The following LUZP2 variants were observed in gnomAD, a reference collection of about 807,000 sequenced individuals.
LUZP2 encodes leucine zipper protein 2.
LUZP2 carries 52 observed loss-of-function variants against 51.6 expected under a neutral mutation model. That is an observed-to-expected ratio of 1.01 (90% CI 0.81 to 1.27). The LOEUF (loss-of-function observed/expected upper bound fraction) is 1.27, where lower values mean the gene tolerates loss of function less well. LUZP2 is among the 50% of genes most tolerant of loss of function. The probability of loss-of-function intolerance (pLI) is 0.00; values close to 1 mark genes in which losing one functional copy is unlikely to be tolerated. For synonymous variants in LUZP2, 154 were observed against 137.3 expected (o/e 1.12, Z -0.85); for missense variants, 436 against 395.4 (o/e 1.10, Z -0.87).
intron 5 of LUZP2, among the ~76,000 whole-genome samples, chr11:24,865,726 ATG>A (rs869305716): frequency 0.27 from 25,854 of 96,224 alleles, 2,323 homozygotes; most frequent in South Asian, 0.38. Flanking sequence ...ATATATATAT[ATG>A]TGTGTGTGTG....
intron 9 of LUZP2, among the ~76,000 whole-genome samples, chr11:25,032,176 A>G (rs1312051180): frequency 6.6e-6 from 1 of 152,136 alleles, no homozygotes; most frequent in African/African-American, 2.4e-5. Context: ...AGAAACACAC[A>G]TAGTTTCTGG....
At chr11:25,048,041 C>T (rs377306404) in intron 9 of LUZP2, among the ~76,000 whole-genome samples, 1 of 152,096 alleles carries the variant, frequency 6.6e-6, no homozygotes, top group African/African-American at 2.4e-5. Context: ...GCACTCCTGA[C>T]CTCAAGAGAT....
chr11:24,720,911 A>G (rs1213196671), intron 1 of LUZP2, among the ~76,000 whole-genome samples: 2 of 151,556 alleles, frequency 1.3e-5, no homozygotes, highest in East Asian at 3.9e-4. Flanking sequence ...GTGGTCTCGA[A>G]CTCCTGACCT....
chr11:24,857,812 T>A (rs1433114568), intron 5 of LUZP2, among the ~76,000 whole-genome samples: 1 of 152,148 alleles, frequency 6.6e-6, no homozygotes, highest in Middle Eastern at 3.4e-3. Flanking sequence ...AAGTATGACA[T>A]TTTTTAAGCT....
intron 1 of LUZP2, among the ~76,000 whole-genome samples, chr11:24,728,321 C>T (rs1206423969): frequency 6.6e-6 from 1 of 151,734 alleles, no homozygotes; most frequent in African/African-American, 2.4e-5. Context: ...CACAAACACA[C>T]ACACACACAG....
Position 24,974,975 on chromosome 11 carries a change from C to T in LUZP2, c.523-1616C>T, listed in dbSNP as rs577330535. On this transcript the variant is annotated intron_variant, in intron 7 of 11. Coordinates refer to ENST00000336930, the MANE Select transcript of LUZP2 (RefSeq NM_001009909.4). ...GTTGCCTGGGGGTCAGTGATCTTGGCTGGGCTGAAGTATGACTCTAGAGAT... is the reference window on the plus strand; with the variant it reads ...GTTGCCTGGGGGTCAGTGATCTTGGTTGGGCTGAAGTATGACTCTAGAGAT... 8.2e-4 allele frequency among the ~76,000 whole-genome samples: 124 copies of T among 152,094 alleles called. 3 individuals are homozygous for T. The South Asian group carries it at 0.025, about 31-fold the overall frequency.
intron 1 of LUZP2, among the ~76,000 whole-genome samples, chr11:24,572,671 C>T (rs969412185): frequency 6.6e-6 from 1 of 152,006 alleles, no homozygotes; most frequent in Non-Finnish European, 1.5e-5. Flanking sequence ...GACTGTGAGA[C>T]AGCTTGATGT....
At chr11:24,855,997 A>C (rs371063474) in intron 5 of LUZP2, among the ~76,000 whole-genome samples, 41 of 152,298 alleles carry the variant, frequency 2.7e-4, no homozygotes, top group African/African-American at 9.4e-4. Context: ...GTAACTATTA[A>C]AATCCTAGGA....
chr11:24,774,354 C>A (rs1366209155), intron 5 of LUZP2, among the ~76,000 whole-genome samples: 3 of 82,622 alleles, frequency 3.6e-5, no homozygotes, highest in African/African-American at 1.5e-4. Context: ...CTCTCTCTCT[C>A]TCTCTCTCTA....
At chr11:24,957,582 T>G (rs1425433878) in intron 7 of LUZP2, among the ~76,000 whole-genome samples, 1 of 152,234 alleles carries the variant, frequency 6.6e-6, no homozygotes, top group East Asian at 1.9e-4. Context: ...TACATATAAG[T>G]GAGAACGTGT....
intron 7 of LUZP2, among the ~76,000 whole-genome samples, chr11:24,936,664 T>C (rs190287611): frequency 1.2e-4 from 19 of 152,192 alleles, no homozygotes; most frequent in African/African-American, 4.1e-4. Flanking sequence ...TATAAAGTAA[T>C]GTGTGTTTTT....
intron 5 of LUZP2, among the ~76,000 whole-genome samples, chr11:24,898,660 G>A (rs934621627): frequency 2.0e-5 from 3 of 151,930 alleles, no homozygotes; most frequent in African/African-American, 7.3e-5. Context: ...TAAAACCAGG[G>A]TGGGTCAGAG....
At chr11:24,703,310 C>T (rs1207281555) in intron 1 of LUZP2, among the ~76,000 whole-genome samples, 1 of 152,018 alleles carries the variant, frequency 6.6e-6, no homozygotes, top group African/African-American at 2.4e-5. Context: ...AAAGTCTGTG[C>T]ATATATTATG....
chr11:24,541,622 A>G (rs1851367429), intron 1 of LUZP2, among the ~76,000 whole-genome samples: 1 of 152,126 alleles, frequency 6.6e-6, no homozygotes, highest in South Asian at 2.1e-4. Flanking sequence ...TGTCCACAAA[A>G]CAATTGATTA....
chr11:24,773,046 C>A (rs551149070), intron 5 of LUZP2, among the ~76,000 whole-genome samples: 1 of 148,908 alleles, frequency 6.7e-6, no homozygotes, highest in South Asian at 2.1e-4. Context: ...ACTCCACCAT[C>A]TGTGGCATTT....
chr11:24,733,035 T>TAC (rs34020358), intron 3 of LUZP2, among the ~76,000 whole-genome samples: 24,534 of 151,728 alleles, frequency 0.16, 2,587 homozygotes, highest in Middle Eastern at 0.27. Flanking sequence ...TTTCAAAGTT[T>TAC]ACACACAAGA....
intron 5 of LUZP2, among the ~76,000 whole-genome samples, chr11:24,890,623 A>G (rs1852819630): frequency 1.3e-5 from 2 of 152,270 alleles, no homozygotes; most frequent in South Asian, 4.1e-4. Flanking sequence ...TCATACATGA[A>G]TTCCTAATGT....
chr11:24,846,776 C>G (rs546253201), intron 5 of LUZP2, among the ~76,000 whole-genome samples: 28 of 152,096 alleles, frequency 1.8e-4, no homozygotes, highest in African/African-American at 6.7e-4. Context: ...AGTTATTTGA[C>G]AGTTCATCAC....
intron 5 of LUZP2, among the ~76,000 whole-genome samples, chr11:24,889,550 TTGTC>T (rs760106891): frequency 1.2e-4 from 18 of 152,304 alleles, no homozygotes; most frequent in Non-Finnish European, 2.5e-4. Flanking sequence ...AATTGGTAAA[TTGTC>T]TGAGGATCAG....
Sources: allele counts gnomAD v4.1 joint callset (sites outside exome capture counted in the v4.1 genomes callset), GRCh38; gene constraint gnomAD v4.1.1; transcripts MANE v1.5; gene names NCBI Gene and HGNC (gene_info 2026-07-23, HGNC 2026-07-21).